FBXL7: variants seen among roughly 807,000 people sequenced by gnomAD.
The protein encoded by FBXL7 is F-box and leucine rich repeat protein 7.
FBXL7 carries 12 observed loss-of-function variants against 38.3 expected under a neutral mutation model. The ratio of observed to expected loss-of-function variants is 0.31; its 90% CI spans 0.20 to 0.51. The LOEUF (loss-of-function observed/expected upper bound fraction) is 0.51. FBXL7 is among the 20% of genes least tolerant of loss of function. The probability of loss-of-function intolerance (pLI) is 0.98; values close to 1 mark genes in which losing one functional copy is unlikely to be tolerated. For missense variants in FBXL7, 567 were observed against 676.4 expected (o/e 0.84, Z 1.79); for synonymous variants, 297 against 300.9 (o/e 0.99, Z 0.13).
At chr5:15,512,939 G>A (rs1336230956) in intron 1 of FBXL7, among the ~76,000 whole-genome samples, 2 of 152,104 alleles carry the variant, frequency 1.3e-5, no homozygotes, top group Non-Finnish European at 2.9e-5. Flanking sequence ...TTGGCTTAAT[G>A]TTCTTTCTCT....
At chr5:15,557,606 A>G (rs1263864887) in intron 1 of FBXL7, among the ~76,000 whole-genome samples, 2 of 152,224 alleles carry the variant, frequency 1.3e-5, no homozygotes, top group East Asian at 3.9e-4. Flanking sequence ...TGCTTTGGAC[A>G]TAAGAGTTGT....
intron 2 of FBXL7, among the ~76,000 whole-genome samples, chr5:15,865,776 G>A (rs1739684032): frequency 6.6e-6 from 1 of 152,046 alleles, no homozygotes; most frequent in Admixed American, 6.5e-5. Flanking sequence ...GGTGAGGACA[G>A]TTCCTTTCAA....
At chr5:15,652,311 G>A (rs1233792525) in intron 2 of FBXL7, among the ~76,000 whole-genome samples, 1 of 152,074 alleles carries the variant, frequency 6.6e-6, no homozygotes, top group Admixed American at 6.6e-5. Context: ...CTGTTGCCCA[G>A]GCTGGAGTGC....
intron 2 of FBXL7, among the ~76,000 whole-genome samples, chr5:15,661,256 C>A (rs1742057954): frequency 6.6e-6 from 1 of 152,058 alleles, no homozygotes; most frequent in Non-Finnish European, 1.5e-5. Flanking sequence ...GACTTGGATC[C>A]TGTGTCCATG....
intron 1 of FBXL7, among the ~76,000 whole-genome samples, chr5:15,535,703 T>A (rs1363808212): frequency 6.6e-6 from 1 of 152,226 alleles, no homozygotes; most frequent in African/African-American, 2.4e-5. Context: ...CACAAAGAGA[T>A]AATCTGAAAT....
chr5:15,815,689 A>T (rs1737995055), intron 2 of FBXL7, among the ~76,000 whole-genome samples: 1 of 152,210 alleles, frequency 6.6e-6, no homozygotes, highest in African/African-American at 2.4e-5. Flanking sequence ...CACCTATAAA[A>T]TGTCCTATAT....
At chr5:15,819,388 G>A (rs1160022184) in intron 2 of FBXL7, among the ~76,000 whole-genome samples, 1 of 152,060 alleles carries the variant, frequency 6.6e-6, no homozygotes, top group Non-Finnish European at 1.5e-5. Context: ...TAGATACTGT[G>A]AGCGAAGGCC....
chr5:15,560,892 GTCT>G (rs752762934), intron 1 of FBXL7, among the ~76,000 whole-genome samples: 1 of 152,052 alleles, frequency 6.6e-6, no homozygotes, highest in Non-Finnish European at 1.5e-5. Context: ...GACTCATACT[GTCT>G]TCTTTTTGGT....
intron 1 of FBXL7, among the ~76,000 whole-genome samples, chr5:15,526,164 C>T (rs573321432): frequency 1.3e-5 from 2 of 152,130 alleles, no homozygotes; most frequent in African/African-American, 4.8e-5. Context: ...GGGACTTTGG[C>T]TTGGCAGACA....
At chr5:15,874,688 T>G (rs1005663974) in intron 2 of FBXL7, among the ~76,000 whole-genome samples, 2 of 152,086 alleles carry the variant, frequency 1.3e-5, no homozygotes, top group African/African-American at 2.4e-5. Flanking sequence ...ATAAAATACC[T>G]AGGAATACAA....
chr5:15,697,300 A>G (rs904267901), intron 2 of FBXL7, among the ~76,000 whole-genome samples: 1 of 152,208 alleles, frequency 6.6e-6, no homozygotes, highest in Non-Finnish European at 1.5e-5. Flanking sequence ...AGGTCTAGAA[A>G]GTCTAAAAGC....
chr5:15,617,422 C>CATGT, intron 2 of FBXL7, among the ~76,000 whole-genome samples: 1 of 142,822 alleles, frequency 7.0e-6, no homozygotes, highest in African/African-American at 2.6e-5. Flanking sequence ...TGATTCTAGA[C>CATGT]ATTTATTTAT....
At chr5:15,721,891 G>A (rs1467247928) in intron 2 of FBXL7, among the ~76,000 whole-genome samples, 2 of 152,194 alleles carry the variant, frequency 1.3e-5, no homozygotes, top group East Asian at 1.9e-4. Context: ...CTAGAGTGCA[G>A]TGGCACGATC....
At chr5:15,740,569 AAC>A (rs1248468153) in intron 2 of FBXL7, among the ~76,000 whole-genome samples, 2 of 152,250 alleles carry the variant, frequency 1.3e-5, no homozygotes, top group East Asian at 1.9e-4. Flanking sequence ...AAGGAAAAAA[AAC>A]ACAGACTGTT....
At chr5:15,720,918 G>C (rs1172418930) in intron 2 of FBXL7, among the ~76,000 whole-genome samples, 1 of 151,956 alleles carries the variant, frequency 6.6e-6, no homozygotes, top group East Asian at 1.9e-4. Flanking sequence ...ATAGAAATAT[G>C]TTTGAAAGTG....
chr5:15,762,780 A>G (rs1217339168), intron 2 of FBXL7, among the ~76,000 whole-genome samples: 1 of 152,302 alleles, frequency 6.6e-6, no homozygotes, highest in Non-Finnish European at 1.5e-5. Context: ...GTAATTTTTA[A>G]TTTAACATTT....
intron 1 of FBXL7, among the ~76,000 whole-genome samples, chr5:15,600,622 T>A (rs1739761757): frequency 6.6e-6 from 1 of 152,168 alleles, no homozygotes; most frequent in South Asian, 2.1e-4. Flanking sequence ...CAATGGGAGG[T>A]GGGAAACATA....
chr5:15,930,824 G>GTA (rs1742019658), intron 3 of FBXL7, among the ~76,000 whole-genome samples: 1 of 152,200 alleles, frequency 6.6e-6, no homozygotes, highest in South Asian at 2.1e-4. Flanking sequence ...CATGAGGATG[G>GTA]ATTTGTCATC....
chr5:15,676,644 C>G (rs966119256), intron 2 of FBXL7, among the ~76,000 whole-genome samples: 1 of 152,206 alleles, frequency 6.6e-6, no homozygotes, highest in Non-Finnish European at 1.5e-5. Flanking sequence ...CTGCAAGGAG[C>G]TCATCTGTGT....
Sources: allele counts gnomAD v4.1 joint callset (sites outside exome capture counted in the v4.1 genomes callset), GRCh38; gene constraint gnomAD v4.1.1; transcripts MANE v1.5; gene names NCBI Gene and HGNC (gene_info 2026-07-23, HGNC 2026-07-21).